Variants in HSPA4L observed in about 807,000 individuals in gnomAD.
HSPA4L encodes the protein heat shock 70 kDa protein 4L.
A neutral mutation model predicts 100.3 loss-of-function variants in HSPA4L; 48 were observed. The ratio of observed to expected loss-of-function variants is 0.48; its 90% CI spans 0.38 to 0.61. The LOEUF (loss-of-function observed/expected upper bound fraction) is 0.61. Ranked by LOEUF, HSPA4L falls within the 20% of genes least tolerant of loss-of-function variation. HSPA4L has a pLI of 0.00. For synonymous variants in HSPA4L, 319 were observed against 328.2 expected (o/e 0.97, Z 0.30); for missense variants, 886 against 988.6 (o/e 0.90, Z 1.39).
At chr4:127,783,425 G>C (rs1732625000) in intron 1 of HSPA4L, 1 of 1,217,662 alleles carries the variant, frequency 8.2e-7, no homozygotes, top group Non-Finnish European at 1.1e-6. Flanking sequence ...GTCGGGGGCA[G>C]CTGTCCCGTA....
At chr4:127,814,599 G>A (rs765647370) in intron 12 of HSPA4L, among the ~76,000 whole-genome samples, 4 of 151,384 alleles carry the variant, frequency 2.6e-5, no homozygotes, top group East Asian at 1.9e-4. Flanking sequence ...ACGGAGTCTC[G>A]CTCTGTCGCC....
rs1034796462 is a variant in HSPA4L at position 127,809,597 on chromosome 4, TAAAG to T, written c.1378+1469_1378+1472del. The T allele has an allele frequency of 1.1e-5, 7 of 621,936 alleles. No homozygotes were observed. The African/African-American group carries it at 1.3e-4, about 11-fold the overall frequency. The allele number at this position is 621,936 out of a possible 1,614,324, so 38.5% of individuals were successfully genotyped here. A position where few individuals can be genotyped will look rare whatever the true frequency, so the allele number is the denominator to read the frequency against. On this transcript the variant is annotated intron_variant, in intron 11 of 18. Coordinates refer to ENST00000296464, the MANE Select transcript of HSPA4L (RefSeq NM_014278.4). ...GTGAACTTTGATATTTTTTGTTTGTTAAAGGAATGTGTAAGTGAAAGCAGAAAGA... is the reference window on the plus strand; with the variant it reads ...GTGAACTTTGATATTTTTTGTTTGTTGAATGTGTAAGTGAAAGCAGAAAGA...
At chr4:127,814,587 A>G (rs1000768846) in intron 12 of HSPA4L, among the ~76,000 whole-genome samples, 1 of 151,420 alleles carries the variant, frequency 6.6e-6, no homozygotes, top group Non-Finnish European at 1.5e-5. Flanking sequence ...TTTTTTTTTG[A>G]GACGGAGTCT....
chr4:127,813,111 A>G (rs1733583119), intron 12 of HSPA4L: 12 of 1,307,506 alleles, frequency 9.2e-6, no homozygotes, highest in South Asian at 2.4e-5. Flanking sequence ...AGATTCGCAT[A>G]TACGTGGCCA....
intron 12 of HSPA4L, chr4:127,812,653 T>TTTTTGTTTTGTTTTG: frequency 1.5e-6 from 1 of 676,458 alleles, no homozygotes; most frequent in South Asian, 1.7e-5. Context: ...TGTTTGTTTG[T>TTTTTGTTTTGTTTTG]TTTTGTTTTG....
At chr4:127,811,254 T>C (rs1733519999) in intron 11 of HSPA4L, among the ~76,000 whole-genome samples, 183 bp from the exon 12 acceptor site, 1 of 151,970 alleles carries the variant, frequency 6.6e-6, no homozygotes, top group Admixed American at 6.6e-5. Flanking sequence ...AACAGGTTTG[T>C]TATGGTTTAT....
intron 2 of HSPA4L, 90 bp from the exon 3 acceptor site, chr4:127,795,677 TA>T: frequency 7.9e-7 from 1 of 1,259,426 alleles, no homozygotes; most frequent in Non-Finnish European, 1.1e-6. Context: ...ATGTGTAGGA[TA>T]AAGGAACTTG....
intron 3 of HSPA4L, 72 bp from the exon 4 acceptor site, chr4:127,798,515 C>A: frequency 6.9e-7 from 1 of 1,459,204 alleles, no homozygotes; most frequent in Non-Finnish European, 9.5e-7. Flanking sequence ...ATCACATATA[C>A]AGTAGGTGCT....
chr4:127,823,528 A>C lies in HSPA4L; in HGVS notation c.1950A>C (p.Lys650Asn). The C allele has an allele frequency of 6.2e-7, 1 of 1,608,816 alleles. No individual in the cohort carries two copies. Residue 650 changes from lysine (K) to asparagine (N), a missense_variant, in exon 16 of 19, where the codon AAA becomes AAC. Physicochemically the swap from Lys to Asn is moderately conservative, Grantham distance 94 (BLOSUM62 0). Transcript: ENST00000296464. Reference sequence around the variant, plus strand: ...AAATATATTACTAGGACTTGAGTAAACTGTCTGCAGTATTGGAAGACACAG... The same window carrying C: ...AAATATATTACTAGGACTTGAGTAACCTGTCTGCAGTATTGGAAGACACAG... ...EKFITPEDLS[K>N]LSAVLEDTEN...
intron 1 of HSPA4L, among the ~76,000 whole-genome samples, chr4:127,784,840 G>C (rs1283617081): frequency 6.6e-6 from 1 of 152,188 alleles, no homozygotes; most frequent in Non-Finnish European, 1.5e-5. Flanking sequence ...ATACACCACA[G>C]TATTTAATAA....
chr4:127,793,187 A>G (rs1170459917), intron 1 of HSPA4L, among the ~76,000 whole-genome samples: 1 of 152,198 alleles, frequency 6.6e-6, no homozygotes, highest in African/African-American at 2.4e-5. Flanking sequence ...ACATACCTAT[A>G]TATCAGGAAT....
chr4:127,830,166 T>TA (rs1287799915), intron 17 of HSPA4L, among the ~76,000 whole-genome samples: 2 of 152,222 alleles, frequency 1.3e-5, no homozygotes, highest in African/African-American at 4.8e-5. Context: ...CTGTCACTAC[T>TA]AATCTAAACC....
rs1397666283 is a variant in HSPA4L at position 127,822,838 on chromosome 4, G to C, written c.1882G>C (p.Val628Leu). 1.9e-6 allele frequency: 3 copies of C among 1,613,508 alleles called. 1 individual carries two copies. The highest frequency in any genetic ancestry group is 2.2e-5 in the South Asian group (2 of 91,052). ...TGCTAAGAATGCCGTTGAAGAATATGTATATGATTTTAGAGACAGGCTGGG... is the reference window on the plus strand; with the variant it reads ...TGCTAAGAATGCCGTTGAAGAATATCTATATGATTTTAGAGACAGGCTGGG... ...NDAKNAVEEYVYDFRDRLGTV... is the reference protein window; with the variant it reads ...NDAKNAVEEYLYDFRDRLGTV... Residue 628 changes from valine (V) to leucine (L), a missense_variant, in exon 15 of 19, where the codon GTA (valine) becomes CTA (leucine). Physicochemically the swap from Val to Leu is conservative, Grantham distance 32. Transcript: ENST00000296464.
At chr4:127,819,700 AACATTTCATAT>A (rs1733758545) in intron 13 of HSPA4L, among the ~76,000 whole-genome samples, 1 of 152,136 alleles carries the variant, frequency 6.6e-6, no homozygotes, top group South Asian at 2.1e-4. Flanking sequence ...GCCTATTGTG[AACATTTCATAT>A]ACGTACAGTT....
Position 127,840,463 on chromosome 4 carries a change from T to C in HSPA4L, c.*7589T>C, listed in dbSNP as rs988155937. 5 of 152,232 alleles carry C rather than the reference T, an allele frequency of 3.3e-5. No homozygotes were observed. Among genetic ancestry groups the C allele is most frequent in the Non-Finnish European group, 7.3e-5 (5 of 68,034 alleles). The allele number at this position is 152,232 out of a possible 1,614,324, so 9.4% of individuals were successfully genotyped here. On this transcript the variant is annotated 3_prime_UTR_variant, in exon 19 of 19. Coordinates refer to ENST00000296464, the MANE Select transcript of HSPA4L (RefSeq NM_014278.4). ...ATTGAGATTCACATGTAATAGACCC[T>C]TTAGCTTTAATGAGCAGACATGAGA...
intron 4 of HSPA4L, among the ~76,000 whole-genome samples, chr4:127,800,440 C>T (rs1293013251): frequency 6.6e-6 from 1 of 152,042 alleles, no homozygotes; most frequent in Non-Finnish European, 1.5e-5. Context: ...TGCACTTCAG[C>T]CTGTGAGGCA....
chr4:127,786,467 T>C (rs1560649202), intron 1 of HSPA4L, among the ~76,000 whole-genome samples: 2 of 152,154 alleles, frequency 1.3e-5, no homozygotes. Context: ...ATTTTAATAA[T>C]TCCTAAAAAT....
At chr4:127,814,930 C>G (rs1733633754) in intron 12 of HSPA4L, among the ~76,000 whole-genome samples, 1 of 152,140 alleles carries the variant, frequency 6.6e-6, no homozygotes. Context: ...AGTTTAAAGA[C>G]TTAAATACCA....
chr4:127,827,746 C>G (rs1733982762), intron 17 of HSPA4L, among the ~76,000 whole-genome samples: 2 of 151,944 alleles, frequency 1.3e-5, no homozygotes, highest in Admixed American at 1.3e-4. Context: ...AAAAAGAGGA[C>G]CTCTTTGACT....
Sources: gnomAD v4.1 joint callset for allele counts (sites outside exome capture counted in the v4.1 genomes callset) on GRCh38, gnomAD v4.1.1 for gene constraint, MANE v1.5 for transcripts, NCBI Gene and HGNC (gene_info 2026-07-23, HGNC 2026-07-21) for gene names.